Variants in PCDHA5 observed in about 807,000 individuals in gnomAD.
PCDHA5 encodes protocadherin alpha 5.
In PCDHA5, 43 loss-of-function variants were observed where a neutral mutation model predicts 61.6. That is an observed-to-expected ratio of 0.70 (90% CI 0.55 to 0.90). The LOEUF is 0.90. Among genes scored for constraint, PCDHA5 ranks in the 40% least tolerant of loss-of-function variants. The probability of loss-of-function intolerance (pLI) is 0.00; values close to 1 mark genes in which losing one functional copy is unlikely to be tolerated. For synonymous variants in PCDHA5, 627 were observed against 543.9 expected, an observed-to-expected ratio of 1.15 and a Z score of -2.13; for missense variants, 1,298 against 1,222.7, an observed-to-expected ratio of 1.06 and a Z score of -0.92.
At chr5:140,836,909 C>G in intron 1 of PCDHA5, 1 of 579,744 alleles carries the variant, frequency 1.7e-6, no homozygotes, top group South Asian at 2.9e-5. Context: ...TTAATATACA[C>G]TTTTGTTTTG....
chr5:140,883,847 G>A (rs782603246), intron 1 of PCDHA5: 3 of 1,612,878 alleles, frequency 1.9e-6, no homozygotes, highest in Non-Finnish European at 8.5e-7. Flanking sequence ...GGACCACGAG[G>A]AGCTGGAGCT....
At chr5:140,925,866 G>A (rs952823745) in intron 1 of PCDHA5, among the ~76,000 whole-genome samples, 2 of 152,002 alleles carry the variant, frequency 1.3e-5, no homozygotes, top group Admixed American at 1.3e-4. Flanking sequence ...TATTGCTATT[G>A]ACTGGTTTAT....
chr5:140,875,054 C>A (rs2055251816), intron 1 of PCDHA5, among the ~76,000 whole-genome samples: 1 of 152,146 alleles, frequency 6.6e-6, no homozygotes, highest in Non-Finnish European at 1.5e-5. Flanking sequence ...TACTTTGAAG[C>A]AGAAAACATT....
In PCDHA5 at chr5:140,925,595, A is replaced by G. The variant is rs145876147; in HGVS notation, c.2353-53354A>G. 2.8e-3 allele frequency among the ~76,000 whole-genome samples: 431 copies of G among 151,786 alleles called. 1 individual carries two copies. Among genetic ancestry groups the G allele is most frequent in the African/African-American group, 9.9e-3 (412 of 41,446 alleles). On this transcript the variant is annotated intron_variant, in intron 1 of 3. Coordinates refer to ENST00000529859, the MANE Select transcript of PCDHA5 (RefSeq NM_018908.3). ...ACACCAACATGGCGCATGTATACAT[A>G]TGTAACAAACCTGCACGTTGTGCAC...
chr5:141,007,084 AAG>A lies in PCDHA5; in HGVS notation c.2501-2538_2501-2537del, dbSNP rs576927752. On this transcript the variant is annotated intron_variant, in intron 3 of 3. Transcript: ENST00000529859. ...AGGAGAGAGTGAAGAGAAAATAGAG[AAG>A]AGAGTCTAGGGCCAAACCCAAGGAA... Among the ~76,000 whole-genome samples, 32 of 152,274 alleles carry A rather than the reference AAG, an allele frequency of 2.1e-4. No individual in the cohort carries two copies. The East Asian group carries it at 3.3e-3, about 16-fold the overall frequency.
At chr5:140,850,365 G>C in intron 1 of PCDHA5, 1 of 1,597,962 alleles carries the variant, frequency 6.3e-7, no homozygotes, top group Middle Eastern at 1.7e-4. Flanking sequence ...CCCGTTCCGC[G>C]TGGGGCTGTA....
At chr5:140,980,684 GAAAA>G (rs782726576) in intron 2 of PCDHA5, among the ~76,000 whole-genome samples, 3 of 145,064 alleles carry the variant, frequency 2.1e-5, no homozygotes, top group Non-Finnish European at 4.6e-5. Flanking sequence ...TTTTCAAATT[GAAAA>G]AAAAAAGCCA....
chr5:140,826,328 TAAGAAA>T (rs1768900003), intron 1 of PCDHA5, among the ~76,000 whole-genome samples: 1 of 152,204 alleles, frequency 6.6e-6, no homozygotes, highest in Non-Finnish European at 1.5e-5. Context: ...TGTTTTTGGT[TAAGAAA>T]TTGAACCCTT....
At chr5:140,865,318 CT>C (rs1554159374) in intron 1 of PCDHA5, 1 of 152,042 alleles carries the variant, frequency 6.6e-6, no homozygotes, top group Non-Finnish European at 1.5e-5. Flanking sequence ...ATGAGATGGC[CT>C]TTAATTCTGT....
chr5:140,890,776 A>T (rs1554184541), intron 1 of PCDHA5, among the ~76,000 whole-genome samples: 2 of 152,198 alleles, frequency 1.3e-5, no homozygotes, highest in Non-Finnish European at 2.9e-5. Context: ...TTAAAACCCC[A>T]TAAGATATTA....
chr5:140,855,098 A>G (rs1204884452), intron 1 of PCDHA5, among the ~76,000 whole-genome samples: 1 of 149,990 alleles, frequency 6.7e-6, no homozygotes, highest in African/African-American at 2.4e-5. Flanking sequence ...CCTGTGCAGT[A>G]GCAATAATTA....
At chr5:140,870,593 G>C (rs991131905) in intron 1 of PCDHA5, 2 of 1,613,454 alleles carry the variant, frequency 1.2e-6, no homozygotes, top group Admixed American at 3.3e-5. Flanking sequence ...GTGGAGCGGC[G>C]GTTGGGCGAC....
At position 140,849,713 on chromosome 5, in the gene PCDHA5, G is replaced by A. The variant is rs2150446260; in HGVS notation, c.2352+25586G>A. ...TGTCCACCTACAAGAATTACTACTC[G>A]TTGGTGCTGGACAGAGCTCTGGACC... On this transcript the variant is annotated intron_variant, in intron 1 of 3. Transcript: ENST00000529859. The A allele has an allele frequency of 6.6e-5, 105 of 1,598,450 alleles. 8 individuals carry two copies. Among genetic ancestry groups the A allele is most frequent in the Middle Eastern group, 1.7e-4 (1 of 5,910 alleles).
chr5:140,852,813 C>T, intron 1 of PCDHA5: 1 of 972,188 alleles, frequency 1.0e-6, no homozygotes, highest in Non-Finnish European at 1.2e-6. Context: ...TGTCTCCCGC[C>T]CTAAGTCCTC....
chr5:140,848,554 T>G (rs1554142197), intron 1 of PCDHA5: 4 of 1,595,574 alleles, frequency 2.5e-6, no homozygotes, highest in Admixed American at 3.4e-5. Flanking sequence ...TCGCTTCTGA[T>G]CCTCGCAATG....
chr5:140,869,086 A>G (rs1554162467), intron 1 of PCDHA5: 1 of 1,584,176 alleles, frequency 6.3e-7, no homozygotes, highest in African/African-American at 1.4e-5. Context: ...CTTATTTTGG[A>G]AGCCAATTTC....
At chr5:140,835,882 G>A (rs1166974775) in intron 1 of PCDHA5, 4 of 1,611,972 alleles carry the variant, frequency 2.5e-6, no homozygotes, top group Non-Finnish European at 2.5e-6. Flanking sequence ...CTGCGGGTGG[G>A]CGAGCGCGCG....
intron 1 of PCDHA5, chr5:140,842,438 A>G (rs1777945140): frequency 6.2e-7 from 1 of 1,613,768 alleles, no homozygotes; most frequent in Non-Finnish European, 8.5e-7. Flanking sequence ...CGCCCTAATT[A>G]GCGTGAACGA....
chr5:140,978,758 C>A (rs925464508), intron 1 of PCDHA5, among the ~76,000 whole-genome samples, 191 bp from the exon 2 acceptor site: 6 of 152,148 alleles, frequency 3.9e-5, no homozygotes, highest in African/African-American at 1.4e-4. Context: ...TGTGTGAGGA[C>A]CCTGATGAAC....
Sources: allele counts gnomAD v4.1 joint callset (sites outside exome capture counted in the v4.1 genomes callset), GRCh38; gene constraint gnomAD v4.1.1; transcripts MANE v1.5; gene names NCBI Gene and HGNC (gene_info 2026-07-23, HGNC 2026-07-21).